The following VAV2 variants were observed in gnomAD, a reference collection of about 807,000 sequenced individuals.
The protein encoded by VAV2 is guanine nucleotide exchange factor VAV2.
A neutral mutation model predicts 132.5 loss-of-function variants in VAV2; 67 were observed. The observed-to-expected ratio is 0.51, with a 90% CI of 0.42 to 0.62. The LOEUF is 0.62. VAV2 is among the 20% of genes least tolerant of loss of function. VAV2 has a pLI of 0.00. For synonymous variants in VAV2, 492 were observed against 443.5 expected (o/e 1.11, Z -1.37); for missense variants, 938 against 1,153.6 (o/e 0.81, Z 2.71).
At chr9:133,971,304 T>C (rs1033166668) in intron 1 of VAV2, among the ~76,000 whole-genome samples, 35 of 152,150 alleles carry the variant, frequency 2.3e-4, no homozygotes, top group African/African-American at 8.4e-4. Flanking sequence ...ATCGTCACCA[T>C]CTGGGTCGCC....
chr9:133,792,954 T>C (rs1002430661), intron 12 of VAV2, among the ~76,000 whole-genome samples: 2 of 152,052 alleles, frequency 1.3e-5, no homozygotes, highest in Admixed American at 6.5e-5. Flanking sequence ...GAAGCAGCCC[T>C]GTGTGTGGGA....
At chr9:133,776,765 G>T (rs1320270556) in intron 23 of VAV2, among the ~76,000 whole-genome samples, 1 of 152,132 alleles carries the variant, frequency 6.6e-6, no homozygotes, top group Admixed American at 6.5e-5. Context: ...GACGGGACTG[G>T]GGCTGGGGTC....
intron 17 of VAV2, 152 bp from the exon 18 acceptor site, chr9:133,784,570 G>C: frequency 1.3e-6 from 1 of 779,068 alleles, no homozygotes; most frequent in Non-Finnish European, 2.2e-6. Flanking sequence ...CGCAACATGG[G>C]GCAGACTCAG....
chr9:133,779,182 C>T (rs1833918298), intron 21 of VAV2, among the ~76,000 whole-genome samples: 1 of 152,278 alleles, frequency 6.6e-6, no homozygotes, highest in Non-Finnish European at 1.5e-5. Context: ...CCACAGGCAG[C>T]TGTGCGGGGC....
intron 2 of VAV2, among the ~76,000 whole-genome samples, chr9:133,898,331 G>A (rs1839298154): frequency 6.6e-6 from 1 of 152,086 alleles, no homozygotes; most frequent in Non-Finnish European, 1.5e-5. Flanking sequence ...GTTCACACCT[G>A]TAATCCCAGC....
In VAV2 at chr9:133,812,230, G is replaced by A. The variant is rs1275955189; in HGVS notation, c.450-14C>T. The A allele has an allele frequency of 1.2e-6, 2 of 1,612,948 alleles. No individual in the cohort carries two copies. The highest frequency in any genetic ancestry group is 1.6e-4 in the Middle Eastern group (1 of 6,082). On this transcript the variant is annotated splice_polypyrimidine_tract_variant and intron_variant, in intron 4 of 29. Coordinates refer to ENST00000371850, the MANE Select transcript of VAV2 (RefSeq NM_001134398.2). ...AGGTCATGCTCGCTGCACAGGAGGA[G>A]GCGGGTTAGAGGGGAGGGGAGGCTC...
chr9:133,800,716 C>T (rs1834896727), intron 9 of VAV2, among the ~76,000 whole-genome samples: 1 of 152,200 alleles, frequency 6.6e-6, no homozygotes, highest in African/African-American at 2.4e-5. Context: ...CAATTTCACA[C>T]CAAGTCACCT....
At chr9:133,821,197 G>A (rs989089330) in intron 4 of VAV2, among the ~76,000 whole-genome samples, 2 of 152,162 alleles carry the variant, frequency 1.3e-5, no homozygotes, top group African/African-American at 2.4e-5. Context: ...TGGAGGCTCC[G>A]TGTCATCAGA....
At chr9:133,973,130 G>T (rs1009447904) in intron 1 of VAV2, among the ~76,000 whole-genome samples, 1 of 151,806 alleles carries the variant, frequency 6.6e-6, no homozygotes, top group Admixed American at 6.6e-5. Flanking sequence ...TGCCACGGAG[G>T]GCCCAAGGAA....
rs371633814 is a variant in VAV2 at position 133,831,651 on chromosome 9, C to T, written c.449+2621G>A. Among the ~76,000 whole-genome samples, 278 of 152,264 alleles carry T rather than the reference C, an allele frequency of 1.8e-3. 1 individual carries two copies. The Middle Eastern group carries it at 0.024, about 13-fold the overall frequency. On this transcript the variant is annotated intron_variant, in intron 4 of 29. Transcript: ENST00000371850. ...ATGTCAGTCCCTGGCCACATAAGGCCGATGTGGGCCCCATCGTCCCGGAGC... is the reference window on the plus strand; with the variant it reads ...ATGTCAGTCCCTGGCCACATAAGGCTGATGTGGGCCCCATCGTCCCGGAGC...
intron 4 of VAV2, among the ~76,000 whole-genome samples, chr9:133,815,435 C>T (rs1389465356): frequency 6.6e-6 from 1 of 152,148 alleles, no homozygotes; most frequent in Non-Finnish European, 1.5e-5. Flanking sequence ...TTTCATCTCA[C>T]CGGAGCTCCT....
intron 2 of VAV2, among the ~76,000 whole-genome samples, chr9:133,913,793 C>T (rs1839964401): frequency 6.6e-6 from 1 of 152,210 alleles, no homozygotes; most frequent in African/African-American, 2.4e-5. Flanking sequence ...CGGCTGTACG[C>T]TCGTGGGAGC....
At chr9:133,875,723 C>T (rs535977000) in intron 2 of VAV2, among the ~76,000 whole-genome samples, 1 of 152,348 alleles carries the variant, frequency 6.6e-6, no homozygotes, top group Non-Finnish European at 1.5e-5. Context: ...CCCTCTAGCA[C>T]AAGAGGCTAT....
In VAV2 at chr9:133,867,434, G is replaced by A. The variant is rs1169916455; in HGVS notation, c.322-6002C>T. 2.0e-5 allele frequency among the ~76,000 whole-genome samples: 3 copies of A among 152,354 alleles called. No individual in the cohort carries two copies. In the East Asian group the frequency reaches 5.8e-4, roughly 29 times the overall value. ...GCCGCCTGGGGCCCTAGGGAAGGGTGCCACGTGCTCTGAAAAGGCTCACAA... is the reference window on the plus strand; with the variant it reads ...GCCGCCTGGGGCCCTAGGGAAGGGTACCACGTGCTCTGAAAAGGCTCACAA... On this transcript the variant is annotated intron_variant, in intron 2 of 29. Coordinates refer to ENST00000371850, the MANE Select transcript of VAV2 (RefSeq NM_001134398.2).
At chr9:133,773,422 G>A (rs1436323509) in intron 25 of VAV2, among the ~76,000 whole-genome samples, 2 of 152,232 alleles carry the variant, frequency 1.3e-5, no homozygotes, top group Non-Finnish European at 1.5e-5. Flanking sequence ...CTAGGACATT[G>A]CTGTGCACCA....
chr9:133,924,966 A>T (rs1840422521), intron 2 of VAV2, among the ~76,000 whole-genome samples: 1 of 152,264 alleles, frequency 6.6e-6, no homozygotes, highest in Admixed American at 6.5e-5. Context: ...AGCCGACGCT[A>T]AAGGCCACAT....
intron 9 of VAV2, among the ~76,000 whole-genome samples, chr9:133,800,119 C>T (rs980105411): frequency 6.6e-5 from 10 of 152,346 alleles, no homozygotes; most frequent in African/African-American, 2.2e-4. Context: ...CAACAGTCAC[C>T]GACCCCAAAG....
intron 24 of VAV2, 131 bp downstream of exon 24, chr9:133,775,897 G>A (rs1203122251): frequency 1.6e-6 from 2 of 1,256,970 alleles, no homozygotes; most frequent in Non-Finnish European, 2.1e-6. Context: ...CAGTGCCCTG[G>A]AGATGGCAAC....
chr9:133,924,476 C>G (rs1340649905), intron 2 of VAV2, among the ~76,000 whole-genome samples: 2 of 152,184 alleles, frequency 1.3e-5, no homozygotes, highest in Non-Finnish European at 2.9e-5. Context: ...CTTGAGCCAC[C>G]ACAGCGCCTG....
Sources: allele counts gnomAD v4.1 joint callset (sites outside exome capture counted in the v4.1 genomes callset), GRCh38; gene constraint gnomAD v4.1.1; transcripts MANE v1.5; gene names NCBI Gene and HGNC (gene_info 2026-07-23, HGNC 2026-07-21).